The following PDE1C variants were observed in gnomAD, a reference collection of about 807,000 sequenced individuals.
PDE1C encodes the protein dual specificity calcium/calmodulin-dependent 3',5'-cyclic nucleotide phosphodiesterase 1C.
PDE1C carries 62 observed loss-of-function variants against 93.1 expected under a neutral mutation model. That is an observed-to-expected ratio of 0.67 (90% CI 0.54 to 0.82). The LOEUF is 0.82. Ranked by LOEUF, PDE1C falls within the 40% of genes least tolerant of loss-of-function variation. The pLI, the probability that PDE1C is intolerant of heterozygous loss-of-function variation, is 0.00. For synonymous variants in PDE1C, 325 were observed against 310.1 expected (o/e 1.05, Z -0.50); for missense variants, 742 against 884.6 (o/e 0.84, Z 2.04).
At chr7:31,868,512 G>GA (rs1335115990) in intron 6 of PDE1C, among the ~76,000 whole-genome samples, 1 of 151,890 alleles carries the variant, frequency 6.6e-6, no homozygotes, top group Admixed American at 6.6e-5. Context: ...CAAAAATAAA[G>GA]AAAAAAGAAT....
At chr7:32,415,591 G>A in intron 1 of PDE1C, among the ~76,000 whole-genome samples, 1 of 152,116 alleles carries the variant, frequency 6.6e-6, no homozygotes, top group East Asian at 1.9e-4. Context: ...CTGGAGTGCA[G>A]GCAAGAGTCT....
At chr7:32,232,082 A>G (rs1385408639) in intron 1 of PDE1C, among the ~76,000 whole-genome samples, 3 of 152,136 alleles carry the variant, frequency 2.0e-5, no homozygotes, top group African/African-American at 7.2e-5. Flanking sequence ...TAAATCCTGG[A>G]CAGAATGCAT....
intron 3 of PDE1C, among the ~76,000 whole-genome samples, chr7:32,144,884 GCT>G (rs530575159): frequency 0.011 from 1,713 of 152,276 alleles, 36 homozygotes; most frequent in African/African-American, 0.039. Context: ...CCATGCGTTA[GCT>G]CTAATTCCAC....
At chr7:32,070,236 G>A (rs1795871678) in intron 1 of PDE1C, 57 bp downstream of exon 1, 2 of 1,610,488 alleles carry the variant, frequency 1.2e-6, no homozygotes, top group African/African-American at 2.7e-5. Context: ...GCGGCTGTGT[G>A]GTAAAATAAG....
chr7:32,115,432 C>T (rs944778401), intron 3 of PDE1C, among the ~76,000 whole-genome samples: 1 of 151,918 alleles, frequency 6.6e-6, no homozygotes, highest in Admixed American at 6.6e-5. Context: ...AGCATGTGGA[C>T]ACAGGGAGGG....
intron 2 of PDE1C, among the ~76,000 whole-genome samples, chr7:31,907,773 A>G (rs2128931642): frequency 6.6e-6 from 1 of 152,308 alleles, no homozygotes; most frequent in African/African-American, 2.4e-5. Context: ...AGCCATTCAT[A>G]AAGTGAGTTA....
In PDE1C at chr7:32,120,150, G is replaced by C. The variant is rs149346215; in HGVS notation, c.308+49635C>G. Among the ~76,000 whole-genome samples the C allele has an allele frequency of 1.1e-4, 16 of 152,328 alleles. 1 individual carries two copies. The highest frequency in any genetic ancestry group is 2.6e-4 in the Admixed American group (4 of 15,306). On this transcript the variant is annotated intron_variant, in intron 3 of 18. Coordinates refer to the PDE1C transcript ENST00000396193. ...GCGGCCAGAGCGCCTCTTCAGGCCT[G>C]ACCCTGACTCATCCTTCCTCACGGG...
intron 2 of PDE1C, among the ~76,000 whole-genome samples, chr7:31,985,478 T>C (rs1783256831): frequency 6.6e-6 from 1 of 152,160 alleles, no homozygotes; most frequent in Non-Finnish European, 1.5e-5. Context: ...AACATGCAGG[T>C]TTGATACATA....
At chr7:31,822,613 C>G (rs1483283021) in intron 14 of PDE1C, among the ~76,000 whole-genome samples, 2 of 152,064 alleles carry the variant, frequency 1.3e-5, no homozygotes, top group Non-Finnish European at 2.9e-5. Flanking sequence ...TGAAGGGAAA[C>G]TGAGAATATG....
At chr7:31,822,271 C>T (rs937711044) in intron 14 of PDE1C, among the ~76,000 whole-genome samples, 1 of 151,986 alleles carries the variant, frequency 6.6e-6, no homozygotes, top group Non-Finnish European at 1.5e-5. Context: ...TCACTGGGCT[C>T]CCAGAGCCAC....
intron 2 of PDE1C, among the ~76,000 whole-genome samples, chr7:32,029,485 T>C (rs1258951978): frequency 6.6e-6 from 1 of 152,092 alleles, no homozygotes; most frequent in African/African-American, 2.4e-5. Context: ...TCAACTAAAG[T>C]TTATCTTTGT....
At chr7:32,182,220 T>A (rs573799385) in intron 2 of PDE1C, among the ~76,000 whole-genome samples, 1 of 152,208 alleles carries the variant, frequency 6.6e-6, no homozygotes, top group African/African-American at 2.4e-5. Flanking sequence ...CTACCAGAGG[T>A]ACAAGGAGGA....
At chr7:32,101,983 G>GA (rs1231812514) in intron 3 of PDE1C, among the ~76,000 whole-genome samples, 6 of 152,094 alleles carry the variant, frequency 3.9e-5, no homozygotes, top group Non-Finnish European at 8.8e-5. Context: ...CAGGCTCCTT[G>GA]AAACAACCAG....
chr7:32,389,982 A>C (rs1040689633), intron 1 of PDE1C, among the ~76,000 whole-genome samples: 5 of 152,230 alleles, frequency 3.3e-5, no homozygotes, highest in Non-Finnish European at 5.9e-5. Context: ...ATTGGTCTAT[A>C]TTGAAACAGG....
chr7:32,076,668 A>G (rs1396267076), intron 3 of PDE1C, among the ~76,000 whole-genome samples: 3 of 150,842 alleles, frequency 2.0e-5, no homozygotes, highest in Non-Finnish European at 3.0e-5. Flanking sequence ...GAAAAAAAGA[A>G]AAAAGAAAAA....
chr7:32,036,147 A>G (rs1364694580), intron 2 of PDE1C, among the ~76,000 whole-genome samples: 4 of 152,166 alleles, frequency 2.6e-5, no homozygotes, highest in African/African-American at 9.6e-5. Flanking sequence ...TTTCTCCTAT[A>G]AATGGAATTC....
chr7:31,936,845 C>T (rs946222622), intron 2 of PDE1C, among the ~76,000 whole-genome samples: 6 of 152,084 alleles, frequency 3.9e-5, no homozygotes, highest in Admixed American at 1.3e-4. Context: ...AGCCAGCCCA[C>T]GACAGAGCCT....
intron 2 of PDE1C, among the ~76,000 whole-genome samples, chr7:31,965,564 T>C (rs1300946088): frequency 6.6e-6 from 1 of 152,066 alleles, no homozygotes; most frequent in African/African-American, 2.4e-5. Context: ...ACTTCCCCAA[T>C]CTAGCAAGGC....
chr7:32,200,542 T>A lies in PDE1C; in HGVS notation c.136+8947A>T, dbSNP rs549718821. On this transcript the variant is annotated intron_variant, in intron 2 of 18. Transcript: ENST00000396193. The stretch of plus-strand genomic sequence containing the variant: ...AGACCTTGTTTCAACTACCTATTGA[T>A]GCGTAACAGATCACACCAAACTTGT... 3.3e-5 allele frequency among the ~76,000 whole-genome samples: 5 copies of A among 152,316 alleles called. No individual in the cohort carries two copies. The South Asian group carries it at 8.3e-4, about 25-fold the overall frequency.
Sources: gnomAD v4.1 joint callset for allele counts (sites outside exome capture counted in the v4.1 genomes callset) on GRCh38, gnomAD v4.1.1 for gene constraint, MANE v1.5 for transcripts, NCBI Gene and HGNC (gene_info 2026-07-23, HGNC 2026-07-21) for gene names.